The following ROBO1 variants were observed in gnomAD, a reference collection of about 807,000 sequenced individuals.
ROBO1 encodes the protein roundabout guidance receptor 1.
A neutral mutation model predicts 195.9 loss-of-function variants in ROBO1; 149 were observed. The observed-to-expected ratio is 0.76, with a 90% CI of 0.67 to 0.87. The LOEUF (loss-of-function observed/expected upper bound fraction) is 0.87, where lower values mean the gene tolerates loss of function less well. Ranked by LOEUF, ROBO1 falls within the 40% of genes least tolerant of loss-of-function variation. ROBO1 has a pLI of 0.00. For synonymous variants in ROBO1, 816 were observed against 733.2 expected (o/e 1.11, Z -1.82); for missense variants, 1,933 against 2,068.3 (o/e 0.93, Z 1.27).
intron 4 of ROBO1, among the ~76,000 whole-genome samples, chr3:78,808,482 C>T (rs2084621429): frequency 6.6e-6 from 1 of 152,118 alleles, no homozygotes; most frequent in Middle Eastern, 3.2e-3. Flanking sequence ...GGATTACAGG[C>T]ATGAGCCACC....
At chr3:78,611,271 G>C (rs1365908257) in intron 28 of ROBO1, among the ~76,000 whole-genome samples, 1 of 152,122 alleles carries the variant, frequency 6.6e-6, no homozygotes, top group Non-Finnish European at 1.5e-5. Flanking sequence ...AAAGAGGGTG[G>C]TGAATTTATA....
At chr3:79,294,332 C>G (rs1434985994) in intron 2 of ROBO1, among the ~76,000 whole-genome samples, 3 of 151,972 alleles carry the variant, frequency 2.0e-5, no homozygotes, top group African/African-American at 4.8e-5. Flanking sequence ...AAACCTGACA[C>G]AAACAAGAAA....
At chr3:79,680,091 C>A (rs72895941) in intron 1 of ROBO1, among the ~76,000 whole-genome samples, 4,409 of 152,110 alleles carry the variant, frequency 0.029, 170 homozygotes, top group African/African-American at 0.087. Context: ...ATGGTCCTCA[C>A]ACTGTGACCT....
At chr3:79,653,758 C>A (rs1459213568) in intron 1 of ROBO1, among the ~76,000 whole-genome samples, 1 of 151,768 alleles carries the variant, frequency 6.6e-6, no homozygotes, top group Non-Finnish European at 1.5e-5. Flanking sequence ...TTGAGTCTCA[C>A]ACACTGTCAT....
intron 1 of ROBO1, among the ~76,000 whole-genome samples, chr3:79,590,448 GA>G (rs2107820600): frequency 6.6e-6 from 1 of 151,852 alleles, no homozygotes; most frequent in East Asian, 1.9e-4. Flanking sequence ...TTAATTATGT[GA>G]ATTCACAAAC....
At chr3:78,880,992 T>C (rs953793014) in intron 4 of ROBO1, among the ~76,000 whole-genome samples, 1 of 152,180 alleles carries the variant, frequency 6.6e-6, no homozygotes, top group African/African-American at 2.4e-5. Context: ...CTGATAGTTA[T>C]GGACTAGCGT....
chr3:79,232,392 T>C (rs560995326), intron 2 of ROBO1, among the ~76,000 whole-genome samples: 2 of 136,010 alleles, frequency 1.5e-5, no homozygotes, highest in South Asian at 4.5e-4. Flanking sequence ...ATATAGAGAG[T>C]CGATCCAGGA....
At chr3:79,016,896 A>C (rs989343365) in intron 3 of ROBO1, among the ~76,000 whole-genome samples, 1 of 152,218 alleles carries the variant, frequency 6.6e-6, no homozygotes, top group Non-Finnish European at 1.5e-5. Flanking sequence ...TAGAGAGATC[A>C]GATTTTAATG....
At chr3:79,720,965 T>A (rs991640870) in intron 1 of ROBO1, among the ~76,000 whole-genome samples, 6 of 152,110 alleles carry the variant, frequency 3.9e-5, no homozygotes, top group Non-Finnish European at 7.4e-5. Flanking sequence ...GCTAATTTTT[T>A]GTATTTTTAG....
At chr3:79,591,606 A>G (rs1944001444) in intron 1 of ROBO1, among the ~76,000 whole-genome samples, 1 of 151,904 alleles carries the variant, frequency 6.6e-6, no homozygotes, top group African/African-American at 2.4e-5. Flanking sequence ...CACTGATATT[A>G]TATAACTACA....
intron 1 of ROBO1, among the ~76,000 whole-genome samples, chr3:79,751,207 A>C (rs992867203): frequency 6.6e-6 from 1 of 152,168 alleles, no homozygotes; most frequent in African/African-American, 2.4e-5. Flanking sequence ...CTCAATACAC[A>C]AGGATAAACT....
chr3:79,057,955 C>T (rs1293265973), intron 3 of ROBO1, among the ~76,000 whole-genome samples: 5 of 152,010 alleles, frequency 3.3e-5, no homozygotes, highest in Non-Finnish European at 5.9e-5. Context: ...CAGACATGCA[C>T]CTGGTTGTAT....
intron 2 of ROBO1, among the ~76,000 whole-genome samples, chr3:79,565,732 G>T (rs1413341190): frequency 6.6e-6 from 1 of 151,940 alleles, no homozygotes; most frequent in East Asian, 1.9e-4. Context: ...ATACCAGTAG[G>T]TCCCAAACTT....
At chr3:79,170,663 TATA>T (rs2108692287) in intron 2 of ROBO1, among the ~76,000 whole-genome samples, 1 of 152,214 alleles carries the variant, frequency 6.6e-6, no homozygotes, top group East Asian at 1.9e-4. Flanking sequence ...GCCTCACACA[TATA>T]TTTGGTTACA....
At chr3:79,517,846 A>G (rs751344082) in intron 2 of ROBO1, among the ~76,000 whole-genome samples, 11 of 152,326 alleles carry the variant, frequency 7.2e-5, no homozygotes, top group South Asian at 4.1e-4. Flanking sequence ...CAAACCTTCA[A>G]TTGCTGATGG....
At chr3:78,805,322 AT>A (rs1025962337) in intron 4 of ROBO1, among the ~76,000 whole-genome samples, 9 of 152,076 alleles carry the variant, frequency 5.9e-5, no homozygotes, top group African/African-American at 2.2e-4. Context: ...GACTAATTTA[AT>A]TTCCCTCCTT....
At chr3:79,619,349 C>A (rs902297325) in intron 1 of ROBO1, among the ~76,000 whole-genome samples, 18 of 152,266 alleles carry the variant, frequency 1.2e-4, no homozygotes, top group Non-Finnish European at 2.2e-4. Context: ...CCCTTCTTCT[C>A]CCTTAGCCTG....
At chr3:78,949,138 T>C (rs1271302064) in intron 3 of ROBO1, among the ~76,000 whole-genome samples, 5 of 136,308 alleles carry the variant, frequency 3.7e-5, no homozygotes, top group East Asian at 4.0e-4. Context: ...AATGACTTTC[T>C]TCACAGAATT....
chr3:79,664,913 T>C (rs1028834538), intron 1 of ROBO1, among the ~76,000 whole-genome samples: 1 of 152,036 alleles, frequency 6.6e-6, no homozygotes, highest in Non-Finnish European at 1.5e-5. Flanking sequence ...GGGCGGAGAA[T>C]ATTAGATACT....
Sources: allele counts gnomAD v4.1 joint callset (sites outside exome capture counted in the v4.1 genomes callset), GRCh38; gene constraint gnomAD v4.1.1; transcripts MANE v1.5; gene names NCBI Gene and HGNC (gene_info 2026-07-23, HGNC 2026-07-21).